Variants in SNAPC3 observed in about 807,000 individuals in gnomAD.
SNAPC3 encodes snRNA-activating protein complex subunit 3.
In SNAPC3, 56 loss-of-function variants were observed where a neutral mutation model predicts 47.7. The ratio of observed to expected loss-of-function variants is 1.18; its 90% CI spans 0.95 to 1.47. The LOEUF is 1.47. Ranked by LOEUF, SNAPC3 falls within the 40% of genes most tolerant of loss-of-function variation. SNAPC3 has a pLI of 0.00. For synonymous variants in SNAPC3, 235 were observed against 189.9 expected (o/e 1.24, Z -1.95); for missense variants, 665 against 511.3 (o/e 1.30, Z -2.90).
intron 6 of SNAPC3, 69 bp from the exon 7 acceptor site, chr9:15,452,972 A>C: frequency 7.5e-7 from 1 of 1,337,436 alleles, no homozygotes. Flanking sequence ...TACTGCAATC[A>C]CAAACTGTTT....
downstream of SNAPC3, chr9:15,464,868 T>C (rs1044682697): frequency 1.0e-4 from 22 of 210,454 alleles, no homozygotes; most frequent in African/African-American, 4.3e-4. Context: ...CTTCAAAAAT[T>C]AATGTTTTAT....
downstream of SNAPC3, chr9:15,466,680 G>A: frequency 2.4e-6 from 3 of 1,253,282 alleles, no homozygotes; most frequent in Non-Finnish European, 3.4e-6. Flanking sequence ...GATAACCTTG[G>A]AACAGAACTG....
At position 15,423,131 on chromosome 9, in the gene SNAPC3, C is replaced by T. The variant is rs764821726; in HGVS notation, c.252C>T (p.Ala84=). 3.0e-5 allele frequency: 46 copies of T among 1,556,138 alleles called. No individual in the cohort carries two copies. Among genetic ancestry groups the T allele is most frequent in the Non-Finnish European group, 3.8e-5 (44 of 1,162,470 alleles). The change falls in exon 1 of 9, where the codon GCC becomes GCT. Residue 84 remains alanine, a synonymous_variant. Transcript: ENST00000380821. ...SQAADSDRED[A]AVARDLDCSL... is the part of the protein sequence containing the mutation. ...CAGCTGACTCCGACCGGGAGGATGC[C>T]GCGGTGGCCAGGGATCTGGACTGCA...
intron 7 of SNAPC3, 119 bp from the exon 8 acceptor site, chr9:15,457,841 A>T (rs1049367479): frequency 1.6e-6 from 1 of 643,022 alleles, no homozygotes; most frequent in East Asian, 3.2e-5. Context: ...ACATCTTGTA[A>T]GCAAAAATTG....
intron 3 of SNAPC3, among the ~76,000 whole-genome samples, chr9:15,435,095 A>G (rs1335357108): frequency 6.6e-6 from 1 of 152,066 alleles, no homozygotes; most frequent in Non-Finnish European, 1.5e-5. Flanking sequence ...CTTTTTTTTA[A>G]TAATAGCCAT....
At chr9:15,457,431 C>T (rs1563855376) in intron 7 of SNAPC3, among the ~76,000 whole-genome samples, 2 of 151,800 alleles carry the variant, frequency 1.3e-5, no homozygotes, top group Non-Finnish European at 1.5e-5. Flanking sequence ...CGTGTCTCTA[C>T]AAAAACTTAA....
intron 7 of SNAPC3, among the ~76,000 whole-genome samples, chr9:15,457,513 T>C (rs1161337621): frequency 6.6e-6 from 1 of 152,148 alleles, no homozygotes; most frequent in African/African-American, 2.4e-5. Flanking sequence ...GAGGACTGCT[T>C]GAGCACAGGA....
chr9:15,442,331 G>A (rs1312176104), intron 3 of SNAPC3, among the ~76,000 whole-genome samples: 3 of 150,510 alleles, frequency 2.0e-5, no homozygotes, highest in Non-Finnish European at 3.0e-5. Flanking sequence ...GAGGCTGGCT[G>A]GACGGGGCGG....
intron 3 of SNAPC3, 69 bp from the exon 4 acceptor site, chr9:15,444,533 C>A (rs1209659333): frequency 1.1e-6 from 1 of 949,736 alleles, no homozygotes; most frequent in Non-Finnish European, 1.7e-6. Flanking sequence ...TTGCTGATAG[C>A]CATTGTACCA....
intron 2 of SNAPC3, among the ~76,000 whole-genome samples, chr9:15,424,829 A>C (rs2031143202): frequency 6.6e-6 from 1 of 152,174 alleles, no homozygotes; most frequent in Non-Finnish European, 1.5e-5. Context: ...ATCCCCCTCA[A>C]ATATTCAGGC....
In SNAPC3 at chr9:15,424,781, C is replaced by T. The variant is rs117222485; in HGVS notation, c.392+795C>T. On this transcript the variant is annotated intron_variant, in intron 2 of 8. Transcript: ENST00000380821. ...TTTATAGTCCACTTATTTCATACTA[C>T]CTCAGCTATGTTCTGTCGTTCTTGA... Among the ~76,000 whole-genome samples, 759 of 152,282 alleles carry T rather than the reference C, an allele frequency of 5.0e-3. 6 individuals are homozygous for T. The highest frequency in any genetic ancestry group is 0.033 in the East Asian group (170 of 5,182).
chr9:15,442,084 G>T (rs189717164), intron 3 of SNAPC3, among the ~76,000 whole-genome samples: 3,825 of 139,020 alleles, frequency 0.028, 26 homozygotes, highest in African/African-American at 0.062. Flanking sequence ...CCTCCCTCCC[G>T]GACGGGGCGG....
intron 2 of SNAPC3, among the ~76,000 whole-genome samples, chr9:15,428,969 T>G (rs944876545): frequency 2.7e-4 from 41 of 151,446 alleles, no homozygotes; most frequent in Non-Finnish European, 8.8e-5. Flanking sequence ...TTCCAGAAAT[T>G]GAAAAAAAAA....
At chr9:15,427,782 T>A (rs995132498) in intron 2 of SNAPC3, among the ~76,000 whole-genome samples, 2 of 151,780 alleles carry the variant, frequency 1.3e-5, no homozygotes, top group African/African-American at 2.4e-5. Flanking sequence ...ACTTACAGAG[T>A]CCTGCAAAAA....
intron 3 of SNAPC3, among the ~76,000 whole-genome samples, chr9:15,435,832 T>C (rs2131811383): frequency 9.3e-6 from 1 of 107,322 alleles, no homozygotes; most frequent in African/African-American, 3.2e-5. Context: ...GTCTTTTTAC[T>C]TACTTTTCTT....
intron 2 of SNAPC3, among the ~76,000 whole-genome samples, chr9:15,425,553 C>A (rs1227899370): frequency 6.6e-6 from 1 of 152,118 alleles, no homozygotes; most frequent in Admixed American, 6.5e-5. Flanking sequence ...GATTCCTTTC[C>A]AGATTACCAC....
intron 8 of SNAPC3, among the ~76,000 whole-genome samples, chr9:15,459,031 T>A (rs1348944796): frequency 6.6e-6 from 1 of 152,206 alleles, no homozygotes; most frequent in African/African-American, 2.4e-5. Flanking sequence ...ACTCAACTTG[T>A]ATCTTCAGTT....
chr9:15,465,431 T>C, downstream of SNAPC3: 1 of 1,179,526 alleles, frequency 8.5e-7, no homozygotes, highest in South Asian at 1.4e-5. Context: ...AAACCTATGC[T>C]TATAAAAATT....
rs954564007 is a variant in SNAPC3, at chr9:15,461,484, G to C, written c.*1618G>C. 5.9e-5 allele frequency: 9 copies of C among 152,176 alleles called. No individual in the cohort carries two copies. The highest frequency in any genetic ancestry group is 2.2e-4 in the African/African-American group (9 of 41,436). 9.4% of individuals were successfully genotyped at this position (152,176 alleles called of 1,614,324 possible). On this transcript the variant is annotated 3_prime_UTR_variant, in exon 9 of 9. Transcript: ENST00000380821. ...GCAAAATAAACTTTCTTTATTTTCA[G>C]GTCTAGACCATCAGATAGATTTATT...
Sources: gnomAD v4.1 joint callset for allele counts (sites outside exome capture counted in the v4.1 genomes callset) on GRCh38, gnomAD v4.1.1 for gene constraint, MANE v1.5 for transcripts, NCBI Gene and HGNC (gene_info 2026-07-23, HGNC 2026-07-21) for gene names.